Variants in PRDM2 observed in about 807,000 individuals in gnomAD.
PRDM2 encodes PR domain zinc finger protein 2.
A neutral mutation model predicts 130.0 loss-of-function variants in PRDM2; 30 were observed. That is an observed-to-expected ratio of 0.23 (90% CI 0.17 to 0.31). The LOEUF is 0.31. Ranked by LOEUF, PRDM2 falls within the 10% of genes least tolerant of loss-of-function variation. The probability of loss-of-function intolerance (pLI) is 1.00; values close to 1 mark genes in which losing one functional copy is unlikely to be tolerated. For missense variants in PRDM2, 2,011 were observed against 2,108.4 expected, an observed-to-expected ratio of 0.95 and a Z score of 0.90; for synonymous variants, 871 against 782.4, an observed-to-expected ratio of 1.11 and a Z score of -1.89.
At chr1:13,753,972 G>A (rs1053467718) in intron 6 of PRDM2, among the ~76,000 whole-genome samples, 2 of 152,162 alleles carry the variant, frequency 1.3e-5, no homozygotes, top group African/African-American at 4.8e-5. Flanking sequence ...CTGGAGAGTG[G>A]GGAGTACAGG....
intron 5 of PRDM2, among the ~76,000 whole-genome samples, chr1:13,744,405 C>T (rs1229071138): frequency 6.6e-6 from 1 of 152,112 alleles, no homozygotes; most frequent in African/African-American, 2.4e-5. Flanking sequence ...TGGGTGAATA[C>T]GGATAGAGCT....
At chr1:13,787,781 T>C in intron 8 of PRDM2, 1 of 981,530 alleles carries the variant, frequency 1.0e-6, no homozygotes. Context: ...TTATTGCTTC[T>C]TTTTGGAGAG....
At chr1:13,788,077 A>G in intron 8 of PRDM2, 1 of 974,258 alleles carries the variant, frequency 1.0e-6, no homozygotes, top group Non-Finnish European at 1.2e-6. Context: ...AACTTTCTAA[A>G]CATCTGTGAA....
intron 1 of PRDM2, among the ~76,000 whole-genome samples, chr1:13,711,400 T>G (rs1053974966): frequency 1.1e-5 from 1 of 89,978 alleles, no homozygotes; most frequent in African/African-American, 4.8e-5. Flanking sequence ...CTATTGCAGC[T>G]CGTCACATGG....
intron 6 of PRDM2, among the ~76,000 whole-genome samples, chr1:13,764,007 AT>A (rs1328570223): frequency 1.3e-5 from 2 of 152,198 alleles, no homozygotes; most frequent in Non-Finnish European, 2.9e-5. Flanking sequence ...CTTGTTTCAT[AT>A]TTATGTCAAA....
Position 13,816,509 on chromosome 1 carries a change from G to GC in PRDM2, c.5120dup (p.Ala1708CysfsTer19). 1 of 1,614,168 alleles carries GC rather than the reference G, an allele frequency of 6.2e-7. No homozygotes were observed. Among genetic ancestry groups the GC allele is most frequent in the Non-Finnish European group, 8.5e-7 (1 of 1,180,004 alleles). On this transcript the variant is annotated frameshift_variant, in exon 9 of 10. Coordinates refer to ENST00000311066, the MANE Select transcript of PRDM2 (RefSeq NM_001393986.1). LOFTEE classifies it high-confidence loss of function. Reference sequence around the variant, plus strand: ...GCAGTATAGGAAGGTCAAAGCTCCAGCTGCAGCCCAGTTCCAGGGACCATT... The same window carrying GC: ...GCAGTATAGGAAGGTCAAAGCTCCAGCCTGCAGCCCAGTTCCAGGGACCATT...
chr1:13,804,126 A>G (rs973028594), intron 8 of PRDM2, among the ~76,000 whole-genome samples: 1 of 152,044 alleles, frequency 6.6e-6, no homozygotes, highest in African/African-American at 2.4e-5. Flanking sequence ...AAAGGGTATA[A>G]CAGCCCATCT....
chr1:13,815,759 G>A (rs1474446961), intron 8 of PRDM2, among the ~76,000 whole-genome samples: 1 of 152,146 alleles, frequency 6.6e-6, no homozygotes, highest in African/African-American at 2.4e-5. Flanking sequence ...GGCGGTGGTT[G>A]GGGGTGCTTT....
chr1:13,726,527 C>T (rs1180963480), intron 2 of PRDM2, among the ~76,000 whole-genome samples: 1 of 152,154 alleles, frequency 6.6e-6, no homozygotes, highest in Non-Finnish European at 1.5e-5. Context: ...GTGTTAATGA[C>T]TGACGGATGG....
chr1:13,749,408 C>A lies in PRDM2; in HGVS notation c.432C>A (p.Asp144Glu). The part of the protein sequence containing the change: ...EELLVWYNGE[D>E]NPEIAAAIEE... ...TCCTGGTCTGGTACAATGGGGAAGA[C>A]AACCCTGAGATAGCAGCTGCGATTG... is the stretch of plus-strand genomic sequence containing the variant. The change falls in exon 6 of 10, where the codon GAC (aspartate) becomes GAA (glutamate). Residue 144 changes from aspartate to glutamate, a missense_variant. Physicochemically the swap from Asp to Glu is conservative, Grantham distance 45. Coordinates refer to ENST00000311066, the MANE Select transcript of PRDM2 (RefSeq NM_001393986.1). 7 of 1,508,410 alleles carry A rather than the reference C, an allele frequency of 4.6e-6. No individual in the cohort carries two copies. Among genetic ancestry groups the A allele is most frequent in the Non-Finnish European group, 6.3e-6 (7 of 1,115,224 alleles). 93.4% of individuals were successfully genotyped at this position (1,508,410 alleles called of 1,614,324 possible).
Position 13,780,486 on chromosome 1 carries a change from T to C in PRDM2, c.2691T>C (p.Asn897=), listed in dbSNP as rs750297897. The C allele has an allele frequency of 2.5e-6, 4 of 1,614,138 alleles. No homozygotes were observed. The highest frequency in any genetic ancestry group is 4.5e-5 in the East Asian group (2 of 44,866). ...AGAAGGTTCTTCTCAATGAATATAA[T>C]GGCATCGATTTACCTGTAGAAAACC... ...MLQKVLLNEY[N]GIDLPVENPA... is the part of the protein sequence containing the mutation. Residue 897 remains asparagine (N), a synonymous_variant, in exon 8 of 10, where the codon AAT becomes AAC. Transcript: ENST00000311066.
intron 6 of PRDM2, among the ~76,000 whole-genome samples, chr1:13,754,799 G>GC (rs1301995574): frequency 3.3e-5 from 5 of 152,222 alleles, no homozygotes; most frequent in African/African-American, 1.2e-4. Flanking sequence ...TAGGGCACTG[G>GC]CCTGTGGTTC....
chr1:13,799,170 G>A (rs61353728), intron 8 of PRDM2, among the ~76,000 whole-genome samples: 32 of 152,298 alleles, frequency 2.1e-4, no homozygotes, highest in African/African-American at 6.5e-4. Flanking sequence ...GAGGCCGGGC[G>A]CGGTGGCTCA....
chr1:13,719,745 A>G (rs1468752189), intron 2 of PRDM2, among the ~76,000 whole-genome samples: 1 of 151,794 alleles, frequency 6.6e-6, no homozygotes, highest in Non-Finnish European at 1.5e-5. Context: ...TTTCTTAACC[A>G]AATAATTTAA....
intron 4 of PRDM2, among the ~76,000 whole-genome samples, chr1:13,735,191 G>T (rs114623133): frequency 1.2e-4 from 19 of 152,304 alleles, no homozygotes; most frequent in Admixed American, 3.9e-4. Context: ...ATCTAACCCA[G>T]TCTTAAGTCC....
At chr1:13,773,832 G>A (rs964333086) in intron 7 of PRDM2, among the ~76,000 whole-genome samples, 8 of 152,164 alleles carry the variant, frequency 5.3e-5, no homozygotes, top group Admixed American at 3.9e-4. Flanking sequence ...TGGGGTGCTC[G>A]CTGTTTTCTA....
At chr1:13,700,859 T>C (rs1003026637) in intron 1 of PRDM2, among the ~76,000 whole-genome samples, 5 of 152,106 alleles carry the variant, frequency 3.3e-5, no homozygotes, top group Admixed American at 3.3e-4. Context: ...GACCCACGGG[T>C]GTATGTGTGT....
intron 6 of PRDM2, among the ~76,000 whole-genome samples, chr1:13,754,734 A>T (rs1460430595): frequency 1.3e-5 from 2 of 152,214 alleles, no homozygotes; most frequent in African/African-American, 4.8e-5. Flanking sequence ...ATGATGGTAG[A>T]TGGGCCCTAT....
intron 8 of PRDM2, among the ~76,000 whole-genome samples, chr1:13,783,908 C>G (rs980574889): frequency 6.6e-6 from 1 of 152,050 alleles, no homozygotes; most frequent in African/African-American, 2.4e-5. Context: ...ATTAGGGATC[C>G]TAAGTGTGGA....
Sources: allele counts gnomAD v4.1 joint callset (sites outside exome capture counted in the v4.1 genomes callset), GRCh38; gene constraint gnomAD v4.1.1; transcripts MANE v1.5; gene names NCBI Gene and HGNC (gene_info 2026-07-23, HGNC 2026-07-21).